Variants in ABLIM2 observed in about 807,000 individuals in gnomAD.
ABLIM2 encodes actin binding LIM protein family member 2.
A neutral mutation model predicts 97.7 loss-of-function variants in ABLIM2; 53 were observed. The observed-to-expected ratio is 0.54, with a 90% confidence interval of 0.44 to 0.68. The LOEUF is 0.68. Ranked by LOEUF, ABLIM2 falls within the 30% of genes least tolerant of loss-of-function variation. ABLIM2 has a pLI of 0.00. For missense variants in ABLIM2, 835 were observed against 867.2 expected (o/e 0.96, Z 0.47); for synonymous variants, 361 against 345.8 (o/e 1.04, Z -0.49).
At chr4:8,092,449 G>C (rs1207735412) in intron 3 of ABLIM2, among the ~76,000 whole-genome samples, 1 of 152,132 alleles carries the variant, frequency 6.6e-6, no homozygotes, top group African/African-American at 2.4e-5. Flanking sequence ...ACAACCCCAT[G>C]TCACATGTAA....
chr4:8,052,089 C>T (rs1481552477), intron 8 of ABLIM2, among the ~76,000 whole-genome samples: 1 of 152,216 alleles, frequency 6.6e-6, no homozygotes, highest in Non-Finnish European at 1.5e-5. Context: ...TAAGACTACA[C>T]CACGTGTGTC....
chr4:8,081,388 C>T (rs1819720794), intron 4 of ABLIM2, among the ~76,000 whole-genome samples: 2 of 152,212 alleles, frequency 1.3e-5, no homozygotes, highest in Admixed American at 1.3e-4. Context: ...GCTCACTTGT[C>T]CTGTGTCCCA....
chr4:8,143,531 G>C (rs1325186850), intron 1 of ABLIM2, among the ~76,000 whole-genome samples: 3 of 152,038 alleles, frequency 2.0e-5, no homozygotes, highest in Non-Finnish European at 2.9e-5. Flanking sequence ...CTGCTGTCAG[G>C]TGCCCTTCTC....
rs1331397967 is a variant in ABLIM2, at chr4:8,083,945, G to C, written c.455-3143C>G. On this transcript the variant is annotated intron_variant, in intron 4 of 20. Transcript: ENST00000447017. This position sits in a 1 kb window ranked among gnomAD's most constrained non-coding sequence, Gnocchi z 4.6. Reference sequence around the variant, plus strand: ...GTTGGGGGGTGGCTAGGATGTGCCAGGCAGCCTCCTGGAGCCTCAGCTGGA... The same window carrying C: ...GTTGGGGGGTGGCTAGGATGTGCCACGCAGCCTCCTGGAGCCTCAGCTGGA... 4.6e-5 allele frequency among the ~76,000 whole-genome samples: 7 copies of C among 152,150 alleles called. No individual in the cohort carries two copies. The East Asian group carries it at 1.4e-3, about 29-fold the overall frequency.
rs978042889 is a variant in ABLIM2, at chr4:8,061,883, C to A, written c.676-829G>T. Reference sequence around the variant, plus strand: ...TAAAGGGCTGAAATGTCATTTTGAGCATCCCGTTTTCCCTGTCCTGTGCCT... The same window carrying A: ...TAAAGGGCTGAAATGTCATTTTGAGAATCCCGTTTTCCCTGTCCTGTGCCT... On this transcript the variant is annotated intron_variant, in intron 6 of 20. Transcript: ENST00000447017. This position sits in a 1 kb window ranked among gnomAD's most constrained non-coding sequence, Gnocchi z 4.5. Among the ~76,000 whole-genome samples the A allele has an allele frequency of 1.3e-5, 2 of 152,162 alleles. No homozygotes were observed. Among genetic ancestry groups the A allele is most frequent in the African/African-American group, 4.8e-5 (2 of 41,440 alleles).
intron 6 of ABLIM2, among the ~76,000 whole-genome samples, chr4:8,066,240 A>G (rs1204971970): frequency 6.7e-6 from 1 of 149,312 alleles, no homozygotes; most frequent in Non-Finnish European, 1.5e-5. Context: ...CGGGAGGCAG[A>G]GCTTGCAGTG....
At chr4:8,027,705 C>T (rs1470291452) in intron 12 of ABLIM2, 54 bp downstream of exon 12, 22 of 1,390,526 alleles carry the variant, frequency 1.6e-5, no homozygotes, top group East Asian at 2.7e-5. Context: ...AGCACACAGA[C>T]GCCGGGCGTG....
At chr4:8,000,279 A>G (rs115031967) in intron 16 of ABLIM2, among the ~76,000 whole-genome samples, 1,841 of 151,908 alleles carry the variant, frequency 0.012, 39 homozygotes, top group African/African-American at 0.042. Flanking sequence ...TGGCTTGTAG[A>G]CTCGAGATGC....
rs897579201 is a variant in ABLIM2 at position 8,072,005 on chromosome 4, C to T, written c.675+5623G>A. On this transcript the variant is annotated intron_variant, in intron 6 of 20. Transcript: ENST00000447017. The surrounding 1 kb of genome is among the most constrained non-coding windows in gnomAD (Gnocchi z 5.8). ...CCCTTCTGCGGAGCCAGGCTTGTCC[C>T]CGCCCGCAGTTCCCACCTTGCACCC... The T allele has an allele frequency of 2.0e-6, 2 of 985,390 alleles. No individual in the cohort carries two copies. Among genetic ancestry groups the T allele is most frequent in the Admixed American group, 1.2e-4 (2 of 16,274 alleles). The allele number at this position is 985,390 out of a possible 1,614,324, so 61.0% of individuals were successfully genotyped here.
At position 8,005,693 on chromosome 4, in the gene ABLIM2, A is replaced by G. The variant is rs888293078; in HGVS notation, c.1618+2366T>C. On this transcript the variant is annotated intron_variant, in intron 16 of 20. Coordinates refer to ENST00000447017, the MANE Select transcript of ABLIM2 (RefSeq NM_001130083.2). The surrounding 1 kb of genome is among the most constrained non-coding windows in gnomAD (Gnocchi z 4.9). ...GGTCCTCGCTGCCATTTCCATGCAAATCGGGAAACAAGGCAATGCCATCGG... is the reference window on the plus strand; with the variant it reads ...GGTCCTCGCTGCCATTTCCATGCAAGTCGGGAAACAAGGCAATGCCATCGG... Among the ~76,000 whole-genome samples, 1 of 152,306 alleles carries G rather than the reference A, an allele frequency of 6.6e-6. No homozygotes were observed. Among genetic ancestry groups the G allele is most frequent in the African/African-American group, 2.4e-5 (1 of 41,570 alleles).
Position 8,124,110 on chromosome 4 carries a change from T to C in ABLIM2, c.11-17473A>G, listed in dbSNP as rs555572191. ...CACACACTCTCACACACCTGGGACA[T>C]ATGATATGACATCACAACCTAGAAT... On this transcript the variant is annotated intron_variant, in intron 1 of 20. Transcript: ENST00000447017. This position sits in a 1 kb window ranked among gnomAD's most constrained non-coding sequence, Gnocchi z 6.1. 6.6e-6 allele frequency among the ~76,000 whole-genome samples: 1 copy of C among 152,158 alleles called. No individual in the cohort carries two copies. The highest frequency in any genetic ancestry group is 1.5e-5 in the Non-Finnish European group (1 of 68,038).
At position 8,032,307 on chromosome 4, in the gene ABLIM2, G is replaced by A. The variant is rs1202655555; in HGVS notation, c.1048-2531C>T. Among the ~76,000 whole-genome samples, 2 of 152,172 alleles carry A rather than the reference G, an allele frequency of 1.3e-5. No individual in the cohort carries two copies. Among genetic ancestry groups the A allele is most frequent in the Non-Finnish European group, 2.9e-5 (2 of 68,032 alleles). ...GGTGCTTCCACACAACCCACGTGGA[G>A]GGGCAGGAGGCAGGAAGCGCTCCCA... is the stretch of plus-strand genomic sequence containing the variant. On this transcript the variant is annotated intron_variant, in intron 10 of 20. Coordinates refer to ENST00000447017, the MANE Select transcript of ABLIM2 (RefSeq NM_001130083.2). This position sits in a 1 kb window ranked among gnomAD's most constrained non-coding sequence, Gnocchi z 4.3.
intron 2 of ABLIM2, among the ~76,000 whole-genome samples, chr4:8,102,556 C>T (rs1414346788): frequency 6.6e-6 from 1 of 152,196 alleles, no homozygotes; most frequent in Non-Finnish European, 1.5e-5. Context: ...TATTGAATGA[C>T]TTTTACTTAG....
intron 11 of ABLIM2, among the ~76,000 whole-genome samples, chr4:8,029,330 C>T (rs781772793): frequency 3.5e-4 from 54 of 152,152 alleles, no homozygotes; most frequent in Admixed American, 4.6e-4. Context: ...ATCTTCCTGA[C>T]GTCTCTTGCC....
At chr4:7,980,943 T>TTTTTC (rs1737779301) in intron 20 of ABLIM2, among the ~76,000 whole-genome samples, 1 of 35,168 alleles carries the variant, frequency 2.8e-5, no homozygotes, top group Non-Finnish European at 8.5e-5. Context: ...AACCCCTTAT[T>TTTTTC]TTTTTTTTTT....
chr4:8,066,345 AGAG>A (rs1807390408), intron 6 of ABLIM2, among the ~76,000 whole-genome samples: 1 of 68,026 alleles, frequency 1.5e-5, no homozygotes, highest in South Asian at 6.9e-4. Context: ...AGGGAGGGAG[AGAG>A]GGAGGGAGGG....
At chr4:8,143,165 G>GT (rs1216079792) in intron 1 of ABLIM2, among the ~76,000 whole-genome samples, 5 of 147,760 alleles carry the variant, frequency 3.4e-5, no homozygotes, top group East Asian at 2.0e-4. Context: ...AGAGTGGGGG[G>GT]GGGGGGCGTC....
Position 8,147,776 on chromosome 4 carries a change from T to A in ABLIM2, c.10+10904A>T, listed in dbSNP as rs1852067813. 6.6e-6 allele frequency among the ~76,000 whole-genome samples: 1 copy of A among 152,198 alleles called. No homozygotes were observed. The highest frequency in any genetic ancestry group is 2.4e-5 in the African/African-American group (1 of 41,450). On this transcript the variant is annotated intron_variant, in intron 1 of 20. Coordinates refer to ENST00000447017, the MANE Select transcript of ABLIM2 (RefSeq NM_001130083.2). This position sits in a 1 kb window ranked among gnomAD's most constrained non-coding sequence, Gnocchi z 5.3. ...ACATTGAACTGCTGGCCTCCAGAGC[T>A]GGGAGGAAATGCCTTCTCTTGCTTT...
At chr4:8,089,088 C>G (rs181108280) in intron 3 of ABLIM2, among the ~76,000 whole-genome samples, 10 of 152,314 alleles carry the variant, frequency 6.6e-5, no homozygotes, top group Admixed American at 6.5e-4. Context: ...ATATCATTTA[C>G]TTGACTACTG....
Sources: allele counts gnomAD v4.1 joint callset (sites outside exome capture counted in the v4.1 genomes callset), GRCh38; gene constraint gnomAD v4.1.1; non-coding constraint Gnocchi (gnomAD v3.1); transcripts MANE v1.5; gene names NCBI Gene and HGNC (gene_info 2026-07-23, HGNC 2026-07-21).